Variants in DEPTOR observed in about 807,000 individuals in gnomAD.
The protein encoded by DEPTOR is DEP domain containing MTOR interacting protein.
DEPTOR carries 41 observed loss-of-function variants against 41.6 expected under a neutral mutation model. The observed-to-expected ratio is 0.98, with a 90% CI of 0.77 to 1.28. The LOEUF is 1.28. DEPTOR is among the 50% of genes most tolerant of loss of function. The probability of loss-of-function intolerance (pLI) is 0.00; values close to 1 mark genes in which losing one functional copy is unlikely to be tolerated. For missense variants in DEPTOR, 514 were observed against 527.9 expected, an observed-to-expected ratio of 0.97 and a Z score of 0.26; for synonymous variants, 195 against 192.3, an observed-to-expected ratio of 1.01 and a Z score of -0.12.
At chr8:120,038,501 G>T (rs1004310093) in intron 8 of DEPTOR, among the ~76,000 whole-genome samples, 1 of 150,610 alleles carries the variant, frequency 6.6e-6, no homozygotes, top group Non-Finnish European at 1.5e-5. Flanking sequence ...TGAGGTGGGA[G>T]GATATAGCTT....
chr8:119,953,590 C>CAAAA (rs59533834), intron 3 of DEPTOR, among the ~76,000 whole-genome samples: 11 of 69,416 alleles, frequency 1.6e-4, no homozygotes, highest in African/African-American at 3.0e-4. Context: ...GACTCTGTCT[C>CAAAA]AAAAAAAAAA....
intron 1 of DEPTOR, among the ~76,000 whole-genome samples, chr8:119,925,562 C>A (rs866542945): frequency 2.2e-4 from 34 of 152,222 alleles, no homozygotes; most frequent in Middle Eastern, 3.4e-3. Context: ...TATTACAATT[C>A]AAGGTGAAAT....
At position 119,877,610 on chromosome 8, in the gene DEPTOR, T is replaced by C. The variant is rs539491285; in HGVS notation, c.122+3642T>C. On this transcript the variant is annotated intron_variant, in intron 1 of 8. Coordinates refer to ENST00000286234, the MANE Select transcript of DEPTOR (RefSeq NM_022783.4). ...GTCATCAGAGATGAGGTAGAGGTGA[T>C]AAGAGGAAACCAAGGACTGGGATTT... 5.9e-5 allele frequency among the ~76,000 whole-genome samples: 9 copies of C among 152,328 alleles called. No individual in the cohort carries two copies. The South Asian group carries it at 1.9e-3, about 32-fold the overall frequency.
intron 8 of DEPTOR, among the ~76,000 whole-genome samples, chr8:120,028,261 T>G (rs992508057): frequency 4.0e-5 from 6 of 150,510 alleles, no homozygotes; most frequent in Admixed American, 1.3e-4. Flanking sequence ...GTTCAAGCGA[T>G]TCTCCTGCCT....
At chr8:120,037,670 G>A (rs955177176) in intron 8 of DEPTOR, among the ~76,000 whole-genome samples, 5 of 152,120 alleles carry the variant, frequency 3.3e-5, no homozygotes, top group African/African-American at 1.2e-4. Context: ...GAAGAATGGG[G>A]CTGCCAACAG....
intron 4 of DEPTOR, among the ~76,000 whole-genome samples, chr8:119,980,481 T>TTCTTTTCTTTTCTTTTCTTTTCTTC (rs1563580993): frequency 3.5e-5 from 5 of 144,644 alleles, no homozygotes; most frequent in African/African-American, 1.3e-4. Flanking sequence ...TTCTTTTCTT[T>TTCTTTTCTTTTCTTTTCTTTTCTTC]TCTTTTCTTT....
At chr8:120,007,001 T>C (rs1021206278) in intron 7 of DEPTOR, 126 bp downstream of exon 7, 9 of 902,042 alleles carry the variant, frequency 1.0e-5, no homozygotes, top group Non-Finnish European at 1.5e-5. Context: ...GTTTTTAGCG[T>C]AATTATGATA....
intron 1 of DEPTOR, among the ~76,000 whole-genome samples, chr8:119,889,903 A>G (rs1827429831): frequency 6.6e-6 from 1 of 152,138 alleles, no homozygotes; most frequent in Admixed American, 6.5e-5. Context: ...ACAAAAAGTT[A>G]GAGGTGATGA....
intron 8 of DEPTOR, among the ~76,000 whole-genome samples, chr8:120,047,439 C>T (rs1395268579): frequency 1.3e-5 from 2 of 151,266 alleles, no homozygotes; most frequent in Non-Finnish European, 2.9e-5. Flanking sequence ...GTGATCTCGG[C>T]TCACTACAAC....
intron 6 of DEPTOR, among the ~76,000 whole-genome samples, chr8:120,003,462 A>T (rs888215464): frequency 6.6e-6 from 1 of 152,100 alleles, no homozygotes; most frequent in Non-Finnish European, 1.5e-5. Context: ...ACCTTGGGCA[A>T]AGCAGGTGTC....
intron 3 of DEPTOR, among the ~76,000 whole-genome samples, chr8:119,959,353 G>A (rs1828460234): frequency 6.6e-6 from 1 of 151,518 alleles, no homozygotes; most frequent in South Asian, 2.1e-4. Context: ...AGTAGAGACA[G>A]GGTTTCACCG....
intron 8 of DEPTOR, among the ~76,000 whole-genome samples, chr8:120,041,544 T>C (rs1245142212): frequency 4.6e-5 from 7 of 152,112 alleles, no homozygotes; most frequent in African/African-American, 1.7e-4. Context: ...TATAACTTTT[T>C]TTTAAATTCT....
intron 3 of DEPTOR, among the ~76,000 whole-genome samples, chr8:119,960,714 A>C (rs917297913): frequency 2.0e-5 from 3 of 152,168 alleles, no homozygotes; most frequent in African/African-American, 7.2e-5. Context: ...ACAAGGTCGA[A>C]TAAAAGAAAA....
intron 2 of DEPTOR, among the ~76,000 whole-genome samples, chr8:119,929,221 C>G (rs955931305): frequency 6.6e-6 from 1 of 152,134 alleles, no homozygotes; most frequent in Admixed American, 6.5e-5. Context: ...TGGCCTCGAC[C>G]TTTGCACATG....
At chr8:120,008,364 C>A (rs551235163) in intron 7 of DEPTOR, among the ~76,000 whole-genome samples, 10 of 152,028 alleles carry the variant, frequency 6.6e-5, no homozygotes, top group Non-Finnish European at 1.3e-4. Context: ...CCTGTCTCTA[C>A]TAAAAATACA....
intron 8 of DEPTOR, among the ~76,000 whole-genome samples, chr8:120,031,511 T>A (rs1357894260): frequency 6.6e-6 from 1 of 152,060 alleles, no homozygotes; most frequent in East Asian, 1.9e-4. Flanking sequence ...TTTACTTATG[T>A]GCTCCATCGT....
chr8:120,005,539 T>C (rs1302577304), intron 6 of DEPTOR, among the ~76,000 whole-genome samples: 1 of 152,164 alleles, frequency 6.6e-6, no homozygotes, highest in Non-Finnish European at 1.5e-5. Context: ...CCAGGACTGG[T>C]ACCTGGCCTC....
At chr8:119,989,673 C>T (rs1166308690) in intron 4 of DEPTOR, among the ~76,000 whole-genome samples, 3 of 152,142 alleles carry the variant, frequency 2.0e-5, no homozygotes, top group African/African-American at 7.2e-5. Flanking sequence ...TGATATAAAC[C>T]TGTAATGTGC....
At chr8:120,015,611 C>T (rs932033597) in intron 8 of DEPTOR, among the ~76,000 whole-genome samples, 15 of 152,104 alleles carry the variant, frequency 9.9e-5, no homozygotes, top group South Asian at 8.3e-4. Context: ...ACGACATGGA[C>T]ACACGTGGAG....
Sources: gnomAD v4.1 joint callset for allele counts (sites outside exome capture counted in the v4.1 genomes callset) on GRCh38, gnomAD v4.1.1 for gene constraint, MANE v1.5 for transcripts, NCBI Gene and HGNC (gene_info 2026-07-23, HGNC 2026-07-21) for gene names.